The following TF variants were observed in gnomAD, a reference collection of about 807,000 sequenced individuals.
TF encodes the protein transferrin.
TF carries 55 observed loss-of-function variants against 82.4 expected under a neutral mutation model. The ratio of observed to expected loss-of-function variants is 0.67; its 90% CI spans 0.54 to 0.84. The LOEUF (loss-of-function observed/expected upper bound fraction) is 0.84, where lower values mean the gene tolerates loss of function less well. Among genes scored for constraint, TF ranks in the 40% least tolerant of loss-of-function variants. TF has a pLI of 0.00. For missense variants in TF, 737 were observed against 868.4 expected, an observed-to-expected ratio of 0.85 and a Z score of 1.90; for synonymous variants, 332 against 332.6, an observed-to-expected ratio of 1.00 and a Z score of 0.02.
the TF span, among the ~76,000 whole-genome samples, chr3:133,681,381 A>G: frequency 6.6e-6 from 1 of 152,206 alleles, no homozygotes; most frequent in Non-Finnish European, 1.5e-5. Flanking sequence ...CCCACGGAGC[A>G]TGACCCGAAG....
At chr3:133,728,896 T>G in the TF span, among the ~76,000 whole-genome samples, 190 of 152,344 alleles carry the variant, frequency 1.2e-3, 1 homozygote, top group African/African-American at 4.5e-3. Context: ...GCTGCAGGAC[T>G]GTTTGAGTTT....
intron 14 of TF, 54 bp from the exon 15 acceptor site, chr3:133,775,378 CA>C (rs1229499614): frequency 5.7e-6 from 9 of 1,592,626 alleles, no homozygotes; most frequent in Non-Finnish European, 7.8e-6. Flanking sequence ...TCCATCTCCC[CA>C]GCGGGGCACC....
At chr3:133,689,802 C>T in the TF span, among the ~76,000 whole-genome samples, 6 of 152,020 alleles carry the variant, frequency 3.9e-5, no homozygotes, top group African/African-American at 1.5e-4. Context: ...CATTAGGGCA[C>T]GAGGGTCCTA....
chr3:133,707,680 G>A, the TF span: 4 of 152,226 alleles, frequency 2.6e-5, no homozygotes, highest in Non-Finnish European at 4.4e-5. Flanking sequence ...AGGTGTGTAC[G>A]TGGGGAAAGC....
At chr3:133,728,593 G>C in the TF span, among the ~76,000 whole-genome samples, 1 of 152,118 alleles carries the variant, frequency 6.6e-6, no homozygotes, top group Non-Finnish European at 1.5e-5. Context: ...TTTGCCTTTG[G>C]TTTGAATTTC....
At chr3:133,713,667 GAGATAGTA>G in the TF span, among the ~76,000 whole-genome samples, 2 of 152,180 alleles carry the variant, frequency 1.3e-5, no homozygotes, top group Non-Finnish European at 2.9e-5. Context: ...GTGCATGTGG[GAGATAGTA>G]AGATTTATGG....
At chr3:133,747,013 A>G (rs971940009) in intron 1 of TF, 22 of 167,268 alleles carry the variant, frequency 1.3e-4, no homozygotes, top group African/African-American at 4.1e-4. Flanking sequence ...GGGAGGGTCA[A>G]ATGAGGGTCA....
chr3:133,704,616 T>C, the TF span, among the ~76,000 whole-genome samples: 2 of 152,160 alleles, frequency 1.3e-5, no homozygotes, highest in African/African-American at 2.4e-5. Context: ...AGTTGCCCAC[T>C]AGTTCAGGAA....
chr3:133,720,714 C>A, the TF span, among the ~76,000 whole-genome samples: 2 of 152,026 alleles, frequency 1.3e-5, no homozygotes, highest in South Asian at 2.1e-4. Flanking sequence ...AGCAGTGAAG[C>A]CATTGGGTCC....
the TF span, among the ~76,000 whole-genome samples, chr3:133,667,375 C>CAAA: frequency 1.1e-4 from 9 of 83,288 alleles, no homozygotes; most frequent in East Asian, 2.8e-3. Context: ...AAAAAAAAAC[C>CAAA]CAAGTATGTG....
At chr3:133,730,646 AAATAATT>A in the TF span, among the ~76,000 whole-genome samples, 1,003 of 152,360 alleles carry the variant, frequency 6.6e-3, 8 homozygotes, top group African/African-American at 0.022. Flanking sequence ...AAGCCAGAGC[AAATAATT>A]AATGTTTAAC....
the TF span, among the ~76,000 whole-genome samples, chr3:133,707,139 G>A: frequency 6.6e-6 from 1 of 151,998 alleles, no homozygotes; most frequent in African/African-American, 2.4e-5. Context: ...GTGACTGACT[G>A]TGATGGAGAA....
At chr3:133,720,822 G>C in the TF span, among the ~76,000 whole-genome samples, 1 of 151,764 alleles carries the variant, frequency 6.6e-6, no homozygotes, top group Non-Finnish European at 1.5e-5. Context: ...ATTTAATCTT[G>C]GTAGTTTTTA....
chr3:133,754,495 A>G lies in TF; in HGVS notation c.326A>G (p.Asp109Gly). Residue 109 changes from aspartate (D) to glycine (G), a missense_variant and splice_region_variant, in exon 4 of 17, where the codon GAT becomes GGT. Physicochemically the swap from Asp to Gly is moderately conservative, Grantham distance 94. Transcript: ENST00000402696. Reference sequence around the variant, plus strand: ...TTCCATTCACACTGTGCCTTTGCAGATCCACAGACTTTCTATTATGCTGTT... The same window carrying G: ...TTCCATTCACACTGTGCCTTTGCAGGTCCACAGACTTTCTATTATGCTGTT... ...VVAEFYGSKE[D>G]PQTFYYAVAV... 1 of 1,614,128 alleles carries G rather than the reference A, an allele frequency of 6.2e-7. No individual in the cohort carries two copies. The highest frequency in any genetic ancestry group is 1.1e-5 in the South Asian group (1 of 91,078).
At chr3:133,761,296 C>T (rs1189377843) in intron 9 of TF, 2 of 185,898 alleles carry the variant, frequency 1.1e-5, no homozygotes, top group Non-Finnish European at 2.3e-5. Flanking sequence ...AAGCTTTGAG[C>T]TTCTTTGTTT....
At chr3:133,770,887 G>A in intron 14 of TF, 1 of 427,228 alleles carries the variant, frequency 2.3e-6, no homozygotes, top group Middle Eastern at 6.5e-4. Flanking sequence ...CCCACAGTAT[G>A]ATTACCAAGA....
At chr3:133,756,105 G>A (rs1391732337) in intron 5 of TF, among the ~76,000 whole-genome samples, 177 bp from the exon 6 acceptor site, 3 of 152,058 alleles carry the variant, frequency 2.0e-5, no homozygotes, top group Non-Finnish European at 4.4e-5. Context: ...TCTCGTGTGA[G>A]CTCATTCCCC....
chr3:133,699,592 A>G, the TF span: 2 of 582,018 alleles, frequency 3.4e-6, no homozygotes, highest in Admixed American at 1.9e-5. Flanking sequence ...GGCAAGGAGG[A>G]CTTGATCTAG....
At chr3:133,771,743 CAAAAAAAAA>C (rs71136494) in intron 14 of TF, among the ~76,000 whole-genome samples, 4 of 56,564 alleles carry the variant, frequency 7.1e-5, no homozygotes, top group Non-Finnish European at 1.2e-4. Context: ...GACTCCGTCT[CAAAAAAAAA>C]AAAAAAAAAA....
Sources: gnomAD v4.1 joint callset for allele counts (sites outside exome capture counted in the v4.1 genomes callset) on GRCh38, gnomAD v4.1.1 for gene constraint, MANE v1.5 for transcripts, NCBI Gene and HGNC (gene_info 2026-07-23, HGNC 2026-07-21) for gene names.